Variants in SCFD2 observed in about 807,000 individuals in gnomAD.
SCFD2 encodes the protein sec1 family domain containing 2.
Under a neutral mutation model 58.9 loss-of-function variants are expected in SCFD2, and 54 were observed. The observed-to-expected ratio is 0.92, with a 90% CI of 0.74 to 1.15. SCFD2 has a LOEUF of 1.15. Among genes scored for constraint, SCFD2 ranks in the 50% most tolerant of loss-of-function variants. The pLI is 0.00. For synonymous variants in SCFD2, 321 were observed against 335.9 expected, an observed-to-expected ratio of 0.96 and a Z score of 0.49; for missense variants, 805 against 836.6, an observed-to-expected ratio of 0.96 and a Z score of 0.47.
At chr4:53,247,783 C>A (rs1318617075) in intron 4 of SCFD2, among the ~76,000 whole-genome samples, 1 of 141,096 alleles carries the variant, frequency 7.1e-6, no homozygotes, top group Non-Finnish European at 1.5e-5. Context: ...ATGGCGTGAA[C>A]CCGGGAAGCG....
At chr4:53,196,374 C>T (rs887121849) in intron 4 of SCFD2, among the ~76,000 whole-genome samples, 6 of 152,118 alleles carry the variant, frequency 3.9e-5, no homozygotes, top group African/African-American at 1.4e-4. Context: ...CAAGAGATTT[C>T]GATAAAGGTT....
intron 5 of SCFD2, chr4:52,948,313 A>G (rs191909375): frequency 3.4e-6 from 1 of 290,160 alleles, no homozygotes; most frequent in Non-Finnish European, 7.0e-6. Flanking sequence ...TCTGACAAAC[A>G]TCCATGAGCC....
chr4:53,034,047 C>G (rs1363930987), intron 5 of SCFD2, among the ~76,000 whole-genome samples: 1 of 152,088 alleles, frequency 6.6e-6, no homozygotes, highest in South Asian at 2.1e-4. Flanking sequence ...TGATGAACAT[C>G]GATGCGAAAA....
chr4:53,022,628 T>C (rs528047317), intron 5 of SCFD2, among the ~76,000 whole-genome samples: 1 of 152,300 alleles, frequency 6.6e-6, no homozygotes, highest in African/African-American at 2.4e-5. Flanking sequence ...CTGCGTGGCC[T>C]TGGCAAGTTT....
chr4:53,207,034 G>A (rs1728426038), intron 4 of SCFD2, among the ~76,000 whole-genome samples: 1 of 152,018 alleles, frequency 6.6e-6, no homozygotes, highest in Admixed American at 6.6e-5. Context: ...CATGGTGGCA[G>A]GTATGGCATG....
rs745553109 is a variant in SCFD2 at position 53,145,366 on chromosome 4, A to G, written c.1528T>C (p.Ser510Pro). 2.5e-6 allele frequency: 4 copies of G among 1,614,066 alleles called. No individual in the cohort carries two copies. The highest frequency in any genetic ancestry group is 1.3e-5 in the African/African-American group (1 of 74,928). Reference protein sequence around the residue: ...KALAQVFCEESGLSPLLQKIT... With the variant: ...KALAQVFCEEPGLSPLLQKIT... ...TTTTGCAGCAAAGGTGACAATCCAG[A>G]TTCCTCACAGAAGACCTGAGCCAAT... Residue 510 changes from serine (S) to proline (P), a missense_variant, in exon 5 of 9, where the codon TCT becomes CCT. By Grantham distance (74) the Ser-to-Pro change is moderately conservative. Transcript: ENST00000401642.
intron 2 of SCFD2, 60 bp downstream of exon 2, chr4:53,352,538 T>C (rs929791131): frequency 1.3e-4 from 177 of 1,398,254 alleles, no homozygotes; most frequent in Non-Finnish European, 1.7e-4. Flanking sequence ...ATACTCAGTC[T>C]AGGAGAAAAA....
intron 5 of SCFD2, among the ~76,000 whole-genome samples, chr4:52,995,508 C>T (rs1721725049): frequency 6.6e-6 from 1 of 152,230 alleles, no homozygotes; most frequent in Non-Finnish European, 1.5e-5. Flanking sequence ...GATTCAGTTT[C>T]TTAAGAGCAA....
At chr4:53,083,331 G>A (rs1202412400) in intron 5 of SCFD2, among the ~76,000 whole-genome samples, 1 of 152,048 alleles carries the variant, frequency 6.6e-6, no homozygotes, top group Non-Finnish European at 1.5e-5. Flanking sequence ...GTCTCATATG[G>A]AAATGAGAAA....
chr4:53,326,234 C>G (rs1371366594), intron 2 of SCFD2, among the ~76,000 whole-genome samples: 1 of 152,080 alleles, frequency 6.6e-6, no homozygotes, highest in African/African-American at 2.4e-5. Flanking sequence ...CCTCCACCTC[C>G]TAGGCTCAAG....
At chr4:53,115,514 C>T (rs760360500) in intron 5 of SCFD2, among the ~76,000 whole-genome samples, 1 of 152,098 alleles carries the variant, frequency 6.6e-6, no homozygotes, top group Non-Finnish European at 1.5e-5. Context: ...AGATCAATTG[C>T]TGTAAGAATC....
chr4:53,097,058 T>C (rs1029784623), intron 5 of SCFD2, among the ~76,000 whole-genome samples: 1 of 152,232 alleles, frequency 6.6e-6, no homozygotes, highest in Admixed American at 6.5e-5. Context: ...GGATCTGTTC[T>C]GTTCCATTGG....
At chr4:53,331,868 A>G (rs1460929747) in intron 2 of SCFD2, among the ~76,000 whole-genome samples, 1 of 152,210 alleles carries the variant, frequency 6.6e-6, no homozygotes, top group African/African-American at 2.4e-5. Context: ...ATAAAGAAAA[A>G]AAGAGAGAAG....
chr4:53,253,098 C>T (rs1252021608), intron 4 of SCFD2, among the ~76,000 whole-genome samples: 1 of 152,128 alleles, frequency 6.6e-6, no homozygotes, highest in Non-Finnish European at 1.5e-5. Context: ...AGACACTTCT[C>T]AAAAGAAGAC....
chr4:52,923,846 C>A (rs894773174), intron 5 of SCFD2, among the ~76,000 whole-genome samples: 2 of 152,196 alleles, frequency 1.3e-5, no homozygotes, highest in Non-Finnish European at 2.9e-5. Context: ...GTGCTTTAGA[C>A]AATCACCAGC....
At chr4:53,015,960 T>C (rs913086436) in intron 5 of SCFD2, among the ~76,000 whole-genome samples, 1 of 152,198 alleles carries the variant, frequency 6.6e-6, no homozygotes, top group Non-Finnish European at 1.5e-5. Context: ...AAAGTACAGA[T>C]GTTTTTGACT....
intron 4 of SCFD2, among the ~76,000 whole-genome samples, chr4:53,161,794 T>C (rs894548071): frequency 6.6e-6 from 1 of 152,212 alleles, no homozygotes. Context: ...TCTGGCTACA[T>C]TTAATGATTT....
chr4:52,994,792 A>C (rs1371141106), intron 5 of SCFD2, among the ~76,000 whole-genome samples: 1 of 152,214 alleles, frequency 6.6e-6, no homozygotes, highest in Non-Finnish European at 1.5e-5. Flanking sequence ...AACAGGAAAA[A>C]AATGAGAGTA....
chr4:53,339,862 CAT>C (rs1733808513), intron 2 of SCFD2, among the ~76,000 whole-genome samples: 1 of 151,984 alleles, frequency 6.6e-6, no homozygotes, highest in Non-Finnish European at 1.5e-5. Flanking sequence ...AAAAGAAACA[CAT>C]AAATGAAAAA....
Sources: allele counts gnomAD v4.1 joint callset (sites outside exome capture counted in the v4.1 genomes callset), GRCh38; gene constraint gnomAD v4.1.1; transcripts MANE v1.5; gene names NCBI Gene and HGNC (gene_info 2026-07-23, HGNC 2026-07-21).